Variants in HSPA12A observed in about 807,000 individuals in gnomAD.
HSPA12A encodes the protein heat shock 70 kDa protein 12A.
HSPA12A carries 28 observed loss-of-function variants against 69.2 expected under a neutral mutation model. That is an observed-to-expected ratio of 0.40 (90% CI 0.30 to 0.55). The LOEUF is 0.55. HSPA12A is among the 20% of genes least tolerant of loss of function. HSPA12A has a pLI of 0.38. For synonymous variants in HSPA12A, 345 were observed against 370.5 expected (o/e 0.93, Z 0.79); for missense variants, 686 against 900.7 (o/e 0.76, Z 3.05).
In HSPA12A at chr10:116,848,957, G is replaced by A. The variant is rs118113617; in HGVS notation, c.3+609C>T. Among the ~76,000 whole-genome samples, 13 of 152,316 alleles carry A rather than the reference G, an allele frequency of 8.5e-5. No individual in the cohort carries two copies. In the East Asian group the frequency reaches 2.5e-3, roughly 29 times the overall value. Reference sequence around the variant, plus strand: ...CTGGACATCATAGCAGGCCCAGCCAGCACACGGCTCGGCTCAGAGCAGGTA... The same window carrying A: ...CTGGACATCATAGCAGGCCCAGCCAACACACGGCTCGGCTCAGAGCAGGTA... On this transcript the variant is annotated intron_variant, in intron 1 of 12. Coordinates refer to the HSPA12A transcript ENST00000635765.
chr10:116,835,139 G>T, intron 1 of HSPA12A: 1 of 509,152 alleles, frequency 2.0e-6, no homozygotes, highest in Non-Finnish European at 2.9e-6. Flanking sequence ...CGGCAGGAGG[G>T]AAGCAAAGAT....
At chr10:116,725,678 G>T (rs1381981426) in intron 1 of HSPA12A, among the ~76,000 whole-genome samples, 5 of 152,240 alleles carry the variant, frequency 3.3e-5, no homozygotes, top group African/African-American at 1.2e-4. Flanking sequence ...GCGCTATCTT[G>T]GGACACAAAA....
intron 2 of HSPA12A, among the ~76,000 whole-genome samples, chr10:116,788,767 AC>A (rs1844634879): frequency 6.6e-6 from 1 of 152,206 alleles, no homozygotes; most frequent in African/African-American, 2.4e-5. Context: ...GTGAAAATAT[AC>A]CCACAGATAA....
At chr10:116,751,355 T>A (rs1164356021) in intron 2 of HSPA12A, 1 of 154,970 alleles carries the variant, frequency 6.5e-6, no homozygotes, top group African/African-American at 2.4e-5. Context: ...TAAGTAAAAA[T>A]TAAAGTTGCA....
chr10:116,734,399 G>A (rs756648199), intron 1 of HSPA12A, among the ~76,000 whole-genome samples: 4 of 146,274 alleles, frequency 2.7e-5, no homozygotes, highest in Admixed American at 6.9e-5. Context: ...GCAGTGAGCC[G>A]AGATCACACC....
At chr10:116,764,632 T>C (rs1844039500) in intron 2 of HSPA12A, among the ~76,000 whole-genome samples, 1 of 152,158 alleles carries the variant, frequency 6.6e-6, no homozygotes, top group African/African-American at 2.4e-5. Context: ...ATGGGGATGA[T>C]GGTGAGACAT....
chr10:116,766,983 A>G (rs1304500190), intron 2 of HSPA12A, among the ~76,000 whole-genome samples: 3 of 152,096 alleles, frequency 2.0e-5, no homozygotes, highest in African/African-American at 7.2e-5. Flanking sequence ...GGAAGTGGAG[A>G]CGCAGTCCCC....
intron 1 of HSPA12A, among the ~76,000 whole-genome samples, chr10:116,713,806 T>A (rs1291269175): frequency 6.6e-6 from 1 of 152,184 alleles, no homozygotes; most frequent in Non-Finnish European, 1.5e-5. Flanking sequence ...ATTACACTCC[T>A]CAACCTTACA....
intron 5 of HSPA12A, among the ~76,000 whole-genome samples, chr10:116,692,883 T>G (rs1278214146): frequency 6.6e-6 from 1 of 152,216 alleles, no homozygotes; most frequent in East Asian, 1.9e-4. Flanking sequence ...ATCTGCCACC[T>G]TATTAAGCAC....
At chr10:116,848,614 C>T (rs907735024) in intron 1 of HSPA12A, among the ~76,000 whole-genome samples, 8 of 152,174 alleles carry the variant, frequency 5.3e-5, no homozygotes, top group African/African-American at 1.9e-4. Flanking sequence ...GAGGAAGTAT[C>T]TAGAACTGAG....
chr10:116,732,262 G>A (rs112437382), intron 1 of HSPA12A, among the ~76,000 whole-genome samples: 37,552 of 149,534 alleles, frequency 0.25, 5,055 homozygotes, highest in East Asian at 0.29. Flanking sequence ...CCCGGGAGGC[G>A]GAGGCTGCAG....
At chr10:116,684,018 AG>A in intron 6 of HSPA12A, 56 bp from the exon 7 acceptor site, 1 of 1,443,930 alleles carries the variant, frequency 6.9e-7, no homozygotes, top group Non-Finnish European at 9.2e-7. Context: ...GCCTGCTCCT[AG>A]GACACCCGTG....
upstream of HSPA12A, among the ~76,000 whole-genome samples, chr10:116,746,942 A>C (rs1392209711): frequency 6.6e-6 from 1 of 152,260 alleles, no homozygotes; most frequent in African/African-American, 2.4e-5. Flanking sequence ...AACGTTGTCC[A>C]TGAACTGAAT....
At chr10:116,697,350 A>T (rs1327468790) in intron 5 of HSPA12A, among the ~76,000 whole-genome samples, 1 of 151,606 alleles carries the variant, frequency 6.6e-6, no homozygotes, top group Non-Finnish European at 1.5e-5. Flanking sequence ...CTTCAAAATT[A>T]GATGCTTTTG....
At chr10:116,809,055 C>T (rs540276832) in intron 2 of HSPA12A, among the ~76,000 whole-genome samples, 3 of 152,258 alleles carry the variant, frequency 2.0e-5, no homozygotes, top group South Asian at 4.1e-4. Flanking sequence ...AGCATCCGGC[C>T]TGGGCACATG....
Position 116,710,483 on chromosome 10 carries a change from A to G in HSPA12A, c.41-3198T>C, listed in dbSNP as rs1850387906. The stretch of plus-strand genomic sequence containing the variant: ...CATGGAACACATGTCTTGGGTCCCC[A>G]GGGGACTCTAGGATACTTTGAGGGC... On this transcript the variant is annotated intron_variant, in intron 1 of 11. Transcript: ENST00000369209. This position sits in a 1 kb window ranked among gnomAD's most constrained non-coding sequence, Gnocchi z 4.1. Among the ~76,000 whole-genome samples the G allele has an allele frequency of 6.6e-6, 1 of 152,136 alleles. No homozygotes were observed. Among genetic ancestry groups the G allele is most frequent in the South Asian group, 2.1e-4 (1 of 4,826 alleles).
At chr10:116,726,025 A>ACACGCG (rs1554884977) in intron 1 of HSPA12A, among the ~76,000 whole-genome samples, 6 of 67,940 alleles carry the variant, frequency 8.8e-5, no homozygotes, top group Admixed American at 3.2e-4. Context: ...ACACACACAC[A>ACACGCG]CGCACACACA....
intron 2 of HSPA12A, among the ~76,000 whole-genome samples, chr10:116,779,239 GAAGGTCC>G (rs1251327704): frequency 6.6e-6 from 1 of 152,198 alleles, no homozygotes; most frequent in Non-Finnish European, 1.5e-5. Context: ...TGCCAACACG[GAAGGTCC>G]AGTGCAAGCT....
chr10:116,768,005 T>C (rs1170269237), intron 2 of HSPA12A, among the ~76,000 whole-genome samples: 1 of 152,174 alleles, frequency 6.6e-6, no homozygotes, highest in Non-Finnish European at 1.5e-5. Flanking sequence ...CTCCTAGGTA[T>C]ATATCCAAGA....
Sources: allele counts gnomAD v4.1 joint callset (sites outside exome capture counted in the v4.1 genomes callset), GRCh38; gene constraint gnomAD v4.1.1; non-coding constraint Gnocchi (gnomAD v3.1); transcripts MANE v1.5; gene names NCBI Gene and HGNC (gene_info 2026-07-23, HGNC 2026-07-21).